Variants in REPS2 observed in about 807,000 individuals in gnomAD.
The protein encoded by REPS2 is RALBP1 associated Eps domain containing 2, also known as ralBP1-associated Eps domain-containing protein 2.
REPS2 carries 23 observed loss-of-function variants against 53.6 expected under a neutral mutation model. The observed-to-expected ratio is 0.43, with a 90% CI of 0.31 to 0.61. The LOEUF (loss-of-function observed/expected upper bound fraction) is 0.61, where lower values mean the gene tolerates loss of function less well. Ranked by LOEUF, REPS2 falls within the 20% of genes least tolerant of loss-of-function variation. The pLI, the probability that REPS2 is intolerant of heterozygous loss-of-function variation, is 0.11. For synonymous variants in REPS2, 238 were observed against 218.6 expected, an observed-to-expected ratio of 1.09 and a Z score of -0.78; for missense variants, 446 against 534.9, an observed-to-expected ratio of 0.83 and a Z score of 1.64.
Position 16,949,847 on chromosome X carries a change from TAG to T in REPS2, c.273+2716_273+2717del, listed in dbSNP as rs199651523. ...CTCTCAACGTCCCACATCAGAATAA[TAG>T]AGTTTTTACAATTGATGAACCTACA... On this transcript the variant is annotated intron_variant, in intron 1 of 17. Coordinates refer to ENST00000357277, the MANE Select transcript of REPS2 (RefSeq NM_004726.3). Among the ~76,000 whole-genome samples the T allele has an allele frequency of 4.9e-3, 547 of 111,496 alleles. 5 individuals carry two copies. Among genetic ancestry groups the T allele is most frequent in the African/African-American group, 0.016 (500 of 30,631 alleles).
chrX:17,054,743 G>A, intron 7 of REPS2, 65 bp from the exon 8 acceptor site: 3 of 1,142,613 alleles, frequency 2.6e-6, no homozygotes, highest in Non-Finnish European at 3.6e-6. Context: ...TTATTGGCAC[G>A]TTTGGGCCAA....
At chrX:17,006,366 GT>G in intron 2 of REPS2, 22 bp downstream of exon 2, 1 of 1,194,565 alleles carries the variant, frequency 8.4e-7, no homozygotes. Flanking sequence ...ACATTTGTAT[GT>G]TTTATTGTCC....
intron 3 of REPS2, among the ~76,000 whole-genome samples, chrX:17,024,523 G>A (rs2061616515): frequency 9.3e-6 from 1 of 107,187 alleles, no homozygotes; most frequent in South Asian, 4.1e-4. Context: ...GGTTGGAATG[G>A]TTTACCTATA....
intron 6 of REPS2, 72 bp from the exon 7 acceptor site, chrX:17,052,310 C>A: frequency 1.2e-6 from 1 of 858,923 alleles, no homozygotes; most frequent in Non-Finnish European, 1.7e-6. Flanking sequence ...AATTGTGATT[C>A]ATTTGTATAT....
intron 13 of REPS2, among the ~76,000 whole-genome samples, chrX:17,084,604 T>C (rs1466686760): frequency 8.9e-6 from 1 of 112,300 alleles, no homozygotes; most frequent in African/African-American, 3.2e-5. Flanking sequence ...CTAGTGGGCA[T>C]GAAGTGGTAT....
chrX:17,054,707 G>C, intron 7 of REPS2, 101 bp from the exon 8 acceptor site: 1 of 895,739 alleles, frequency 1.1e-6, no homozygotes, highest in Non-Finnish European at 1.6e-6. Flanking sequence ...TATCTGGTAG[G>C]GCCATCACCA....
chrX:17,044,115 TTAGAG>T (rs2061871832), intron 5 of REPS2, among the ~76,000 whole-genome samples: 2 of 111,721 alleles, frequency 1.8e-5, no homozygotes, highest in Non-Finnish European at 3.8e-5. Context: ...ATTTCTGTTG[TTAGAG>T]TAGACCTGAG....
At chrX:17,063,911 C>A (rs1466391063) in intron 9 of REPS2, among the ~76,000 whole-genome samples, 1 of 78,186 alleles carries the variant, frequency 1.3e-5, no homozygotes, top group Non-Finnish European at 2.4e-5. Context: ...ATGCACACGT[C>A]TGTTTTACTG....
chrX:17,068,642 G>C (rs986537295), intron 10 of REPS2, among the ~76,000 whole-genome samples, 171 bp downstream of exon 10: 6 of 112,669 alleles, frequency 5.3e-5, no homozygotes, highest in African/African-American at 1.6e-4. Flanking sequence ...TCACAAAGTG[G>C]TAGCAAGAGC....
At chrX:16,952,482 TA>T (rs1289551048) in intron 1 of REPS2, among the ~76,000 whole-genome samples, 5 of 111,711 alleles carry the variant, frequency 4.5e-5, no homozygotes, top group Non-Finnish European at 9.4e-5. Flanking sequence ...ACTGAATGAT[TA>T]AAAAAAACCC....
At position 17,147,397 on chromosome X, in the gene REPS2, G is replaced by GTTT; in HGVS notation, c.1915-14_1915-12dup. Reference sequence around the variant, plus strand: ...CCCTTTGCTTTTTTGTTTTTCTTGTGTTTTGTACAACTCAGGAGGTTCATC... The same window carrying GTTT: ...CCCTTTGCTTTTTTGTTTTTCTTGTGTTTTTTTGTACAACTCAGGAGGTTCATC... On this transcript the variant is annotated splice_polypyrimidine_tract_variant and intron_variant, in intron 17 of 17. Coordinates refer to ENST00000357277, the MANE Select transcript of REPS2 (RefSeq NM_004726.3). 1 of 1,190,055 alleles carries GTTT rather than the reference G, an allele frequency of 8.4e-7. No individual in the cohort carries two copies. Among genetic ancestry groups the GTTT allele is most frequent in the South Asian group, 1.8e-5 (1 of 54,278 alleles).
intron 13 of REPS2, chrX:17,099,694 A>G (rs1461777867): frequency 3.0e-5 from 14 of 459,774 alleles, no homozygotes; most frequent in South Asian, 1.3e-4. Flanking sequence ...AGCTACCTCT[A>G]TGGTGTCAAG....
At chrX:17,132,358 G>C (rs1216523016) in intron 14 of REPS2, among the ~76,000 whole-genome samples, 3 of 111,562 alleles carry the variant, frequency 2.7e-5, no homozygotes, top group Non-Finnish European at 5.6e-5. Context: ...ACTGAAGGCA[G>C]AGAGGGAGAG....
At chrX:17,130,898 A>G (rs2148135492) in intron 14 of REPS2, among the ~76,000 whole-genome samples, 1 of 112,131 alleles carries the variant, frequency 8.9e-6, no homozygotes, top group South Asian at 3.7e-4. Context: ...GGCTGTGATG[A>G]TGAATTGCAA....
rs183341338 is a variant in REPS2, at chrX:16,951,793, C to A, written c.273+4659C>A. 4.6e-4 allele frequency among the ~76,000 whole-genome samples: 51 copies of A among 111,781 alleles called. 1 individual carries two copies. In the East Asian group the frequency reaches 0.014, roughly 30 times the overall value. On this transcript the variant is annotated intron_variant, in intron 1 of 17. Transcript: ENST00000357277. ...GTATTTGATGTAATGAATTAACAGA[C>A]CGCTTTATAATATCTATCTTTTAGG...
intron 1 of REPS2, among the ~76,000 whole-genome samples, chrX:16,976,009 A>T (rs1468418553): frequency 8.9e-6 from 1 of 112,074 alleles, no homozygotes; most frequent in Non-Finnish European, 1.9e-5. Context: ...TTGTGCAACC[A>T]TCACTACCAT....
chrX:16,947,895 A>G (rs1256478630), intron 1 of REPS2, among the ~76,000 whole-genome samples: 5 of 111,749 alleles, frequency 4.5e-5, no homozygotes, highest in Non-Finnish European at 9.4e-5. Flanking sequence ...TGGCTGTTCT[A>G]TACTTGGAAA....
chrX:17,191,358 T>C, the REPS2 span, among the ~76,000 whole-genome samples: 4 of 112,096 alleles, frequency 3.6e-5, no homozygotes, highest in African/African-American at 1.3e-4. Flanking sequence ...CATTAGTCAT[T>C]GGGGAAATAA....
At chrX:17,073,969 T>A (rs924115006) in intron 11 of REPS2, 145 bp from the exon 12 acceptor site, 4 of 380,905 alleles carry the variant, frequency 1.1e-5, no homozygotes, top group Admixed American at 4.3e-5. Flanking sequence ...AACAAGGAAA[T>A]CATGAAAATG....
Sources: gnomAD v4.1 joint callset for allele counts (sites outside exome capture counted in the v4.1 genomes callset) on GRCh38, gnomAD v4.1.1 for gene constraint, MANE v1.5 for transcripts, NCBI Gene and HGNC (gene_info 2026-07-23, HGNC 2026-07-21) for gene names.